Variants in TAFA2 observed in about 807,000 individuals in gnomAD.
The protein encoded by TAFA2 is TAFA chemokine like family member 2.
TAFA2 carries 7 observed loss-of-function variants against 18.8 expected under a neutral mutation model. The observed-to-expected ratio is 0.37, with a 90% confidence interval of 0.21 to 0.70. The LOEUF (loss-of-function observed/expected upper bound fraction) is 0.70. TAFA2 is among the 30% of genes least tolerant of loss of function. The pLI is 0.53. For missense variants in TAFA2, 122 were observed against 158.1 expected (o/e 0.77, Z 1.23); for synonymous variants, 60 against 54.2 (o/e 1.11, Z -0.47).
intron 2 of TAFA2, among the ~76,000 whole-genome samples, chr12:61,778,962 T>C (rs926027068): frequency 3.3e-5 from 5 of 151,844 alleles, no homozygotes. Flanking sequence ...ATGTGCCCTG[T>C]TGAAAAGGCA....
chr12:61,997,002 C>T (rs1383981564), intron 1 of TAFA2, among the ~76,000 whole-genome samples: 2 of 152,096 alleles, frequency 1.3e-5, no homozygotes, highest in Non-Finnish European at 2.9e-5. Flanking sequence ...TATCTAGGCT[C>T]TCTTCTGGAT....
chr12:61,768,184 C>A (rs946700236), intron 2 of TAFA2, among the ~76,000 whole-genome samples: 1 of 151,380 alleles, frequency 6.6e-6, no homozygotes, highest in African/African-American at 2.4e-5. Flanking sequence ...GGGAGAGAAC[C>A]AGGCACACAA....
Position 61,828,665 on chromosome 12 carries a change from T to C in TAFA2, c.106+38655A>G, listed in dbSNP as rs150583422. On this transcript the variant is annotated intron_variant, in intron 2 of 4. Coordinates refer to ENST00000416284, the MANE Select transcript of TAFA2 (RefSeq NM_178539.5). ...ACCAATATTTGGGAGAAAAAATTTA[T>C]TTACATTATTTTTGACCAATTTTTG... Among the ~76,000 whole-genome samples the C allele has an allele frequency of 5.8e-3, 886 of 151,970 alleles. 10 individuals are homozygous for C. Among genetic ancestry groups the C allele is most frequent in the African/African-American group, 0.02 (835 of 41,540 alleles).
In TAFA2 at chr12:61,978,939, C is replaced by T. The variant is rs1000363471; in HGVS notation, c.-1-111513G>A. Among the ~76,000 whole-genome samples the T allele has an allele frequency of 4.6e-5, 7 of 152,152 alleles. No homozygotes were observed. The East Asian group carries it at 1.4e-3, about 29-fold the overall frequency. ...GAGTGATCAATATGTCTTTAATGAA[C>T]ACTTCTGACCGTCTCCCAATCAGAA... On this transcript the variant is annotated intron_variant, in intron 1 of 4. Transcript: ENST00000416284.
intron 1 of TAFA2, among the ~76,000 whole-genome samples, chr12:61,928,146 C>T (rs1230976723): frequency 6.6e-6 from 1 of 152,088 alleles, no homozygotes; most frequent in Non-Finnish European, 1.5e-5. Context: ...GCAACGAAGC[C>T]AAAATTGACG....
chr12:62,250,910 G>A (rs2136994641), intron 1 of TAFA2, among the ~76,000 whole-genome samples: 1 of 143,984 alleles, frequency 6.9e-6, no homozygotes, highest in Admixed American at 6.9e-5. Flanking sequence ...ATGTGGAACA[G>A]ACCAGGACCT....
chr12:62,126,781 C>T (rs1170811265), intron 1 of TAFA2, among the ~76,000 whole-genome samples: 6 of 152,122 alleles, frequency 3.9e-5, no homozygotes, highest in African/African-American at 1.2e-4. Context: ...GGGGACTTTA[C>T]AGGCCAGGTA....
At chr12:61,759,477 C>T (rs548021095) in intron 2 of TAFA2, among the ~76,000 whole-genome samples, 2 of 152,080 alleles carry the variant, frequency 1.3e-5, no homozygotes, top group African/African-American at 4.8e-5. Context: ...TTGTTGATAG[C>T]GGAGGCCACA....
At chr12:61,821,663 T>G (rs890609750) in intron 2 of TAFA2, among the ~76,000 whole-genome samples, 2 of 152,058 alleles carry the variant, frequency 1.3e-5, no homozygotes, top group African/African-American at 4.8e-5. Context: ...TAAAAACATA[T>G]TTATCCTCTA....
chr12:61,882,280 A>T (rs1034675843), intron 1 of TAFA2, among the ~76,000 whole-genome samples: 2 of 152,176 alleles, frequency 1.3e-5, no homozygotes, highest in African/African-American at 4.8e-5. Context: ...CTACTGAAAA[A>T]CAGATGTCTT....
At chr12:62,189,994 GTTT>G (rs952077658) in intron 1 of TAFA2, among the ~76,000 whole-genome samples, 1 of 142,684 alleles carries the variant, frequency 7.0e-6, no homozygotes, top group African/African-American at 2.6e-5. Flanking sequence ...GGTTTTTAAG[GTTT>G]TTTTTCTCCA....
At chr12:62,240,257 A>G (rs2062856573) in intron 1 of TAFA2, among the ~76,000 whole-genome samples, 1 of 151,866 alleles carries the variant, frequency 6.6e-6, no homozygotes, top group Admixed American at 6.6e-5. Flanking sequence ...TGTCTCTATT[A>G]AAAATACAAA....
chr12:61,722,867 T>C (rs11609916), intron 4 of TAFA2, among the ~76,000 whole-genome samples: 45,139 of 151,908 alleles, frequency 0.3, 7,087 homozygotes, highest in South Asian at 0.38. Context: ...CTGCTGTTCC[T>C]CCTCCTCTTT....
intron 1 of TAFA2, among the ~76,000 whole-genome samples, chr12:61,992,901 G>T (rs1276605048): frequency 2.0e-5 from 3 of 152,150 alleles, no homozygotes; most frequent in Non-Finnish European, 4.4e-5. Context: ...TCTTTGTATT[G>T]TACACAAATA....
At chr12:62,213,396 G>A (rs917136478) in intron 1 of TAFA2, among the ~76,000 whole-genome samples, 1 of 152,168 alleles carries the variant, frequency 6.6e-6, no homozygotes, top group Non-Finnish European at 1.5e-5. Context: ...TGTAATCCCA[G>A]CATTTTGGGA....
At chr12:61,947,760 A>G (rs1243728620) in intron 1 of TAFA2, among the ~76,000 whole-genome samples, 5 of 152,154 alleles carry the variant, frequency 3.3e-5, no homozygotes, top group Admixed American at 3.3e-4. Flanking sequence ...GTAATACATC[A>G]ATGCTTCATA....
At chr12:62,021,543 A>C (rs973882153) in intron 1 of TAFA2, 1 of 747,054 alleles carries the variant, frequency 1.3e-6, no homozygotes, top group African/African-American at 1.7e-5. Flanking sequence ...CAGACTCCAG[A>C]ATACAGCTGC....
chr12:62,027,452 A>G (rs939421616), intron 1 of TAFA2, among the ~76,000 whole-genome samples: 4 of 152,152 alleles, frequency 2.6e-5, no homozygotes, highest in African/African-American at 9.7e-5. Flanking sequence ...AGAAGGTGAA[A>G]TTTGTTGCAA....
At chr12:62,076,015 G>A (rs558090786) in intron 1 of TAFA2, among the ~76,000 whole-genome samples, 1 of 152,090 alleles carries the variant, frequency 6.6e-6, no homozygotes, top group Non-Finnish European at 1.5e-5. Flanking sequence ...TTATCAATTG[G>A]CATAGACTGA....
Sources: allele counts gnomAD v4.1 joint callset (sites outside exome capture counted in the v4.1 genomes callset), GRCh38; gene constraint gnomAD v4.1.1; transcripts MANE v1.5; gene names NCBI Gene and HGNC (gene_info 2026-07-23, HGNC 2026-07-21).